The following ACOT1 variants were observed in gnomAD, a reference collection of about 807,000 sequenced individuals.
ACOT1 encodes the protein acyl-CoA thioesterase 1.
In ACOT1, 8 loss-of-function variants were observed where a neutral mutation model predicts 15.7. The ratio of observed to expected loss-of-function variants is 0.51; its 90% CI spans 0.30 to 0.92. ACOT1 has a LOEUF of 0.92. Ranked by LOEUF, ACOT1 falls within the 40% of genes least tolerant of loss-of-function variation. The probability of loss-of-function intolerance (pLI) is 0.06; values close to 1 mark genes in which losing one functional copy is unlikely to be tolerated. For synonymous variants in ACOT1, 67 were observed against 241.2 expected (o/e 0.28, Z 6.69); for missense variants, 151 against 539.4 (o/e 0.28, Z 7.13).
chr14:73,525,156 A>T, the ACOT1 span, among the ~76,000 whole-genome samples: 1 of 152,234 alleles, frequency 6.6e-6, no homozygotes, highest in South Asian at 2.1e-4. Context: ...CAGCCTCCCA[A>T]GTAGCTGGGA....
chr14:73,509,377 C>T, the ACOT1 span: 1 of 1,614,096 alleles, frequency 6.2e-7, no homozygotes, highest in East Asian at 2.2e-5. Context: ...GGCATATTGG[C>T]ATATTGCTGC....
the ACOT1 span, chr14:73,493,412 GATT>G: frequency 5.8e-6 from 2 of 347,404 alleles, no homozygotes; most frequent in Non-Finnish European, 1.1e-5. Flanking sequence ...CCTAAGGCTA[GATT>G]ATTATGTGGG....
the ACOT1 span, chr14:73,492,620 C>T: frequency 6.2e-7 from 1 of 1,613,824 alleles, no homozygotes; most frequent in Non-Finnish European, 8.5e-7. The surrounding 1 kb of genome is among the most constrained non-coding windows in gnomAD (Gnocchi z 4.9). Flanking sequence ...GGCTGGAGAA[C>T]CTGTAAACGT....
intron 1 of ACOT1, among the ~76,000 whole-genome samples, chr14:73,538,160 AT>A (rs1490263965): frequency 3.6e-5 from 4 of 110,810 alleles, no homozygotes; most frequent in South Asian, 2.9e-4. Flanking sequence ...TTTTATTTTT[AT>A]TTTTTTTCGT....
At chr14:73,509,161 C>G in the ACOT1 span, 1 of 756,412 alleles carries the variant, frequency 1.3e-6, no homozygotes, top group Non-Finnish European at 2.2e-6. Flanking sequence ...GCGACAGTGT[C>G]TGGTCCTAAT....
chr14:73,492,476 C>G, the ACOT1 span: 5 of 1,613,578 alleles, frequency 3.1e-6, no homozygotes, highest in Non-Finnish European at 4.2e-6. The surrounding 1 kb of genome is among the most constrained non-coding windows in gnomAD (Gnocchi z 4.9). Context: ...CTTGGTTGCC[C>G]GCCTGGGACA....
the ACOT1 span, chr14:73,508,094 G>C: frequency 1.3e-6 from 2 of 1,589,424 alleles, no homozygotes; most frequent in Non-Finnish European, 1.7e-6. Flanking sequence ...AGACCTAATT[G>C]CTCCCCAAAA....
At chr14:73,526,874 C>T in the ACOT1 span, among the ~76,000 whole-genome samples, 1 of 152,206 alleles carries the variant, frequency 6.6e-6, no homozygotes, top group African/African-American at 2.4e-5. Context: ...AGTGCACTGC[C>T]ATCTGTGGTG....
the ACOT1 span, chr14:73,512,249 T>G: frequency 8.9e-6 from 12 of 1,354,592 alleles, no homozygotes; most frequent in Non-Finnish European, 1.2e-5. Flanking sequence ...CCCAGAATAA[T>G]TCAAGCAAAA....
the ACOT1 span, chr14:73,511,975 T>C: frequency 1.2e-6 from 2 of 1,613,244 alleles, no homozygotes; most frequent in East Asian, 4.5e-5. Context: ...GAGTTGCTTA[T>C]GTTCTCAAGC....
At chr14:73,490,943 G>A in the ACOT1 span, 1 of 1,278,760 alleles carries the variant, frequency 7.8e-7, no homozygotes, top group Non-Finnish European at 9.9e-7. Context: ...AGAGTGCACC[G>A]CAGCCGCTGC....
chr14:73,500,818 C>A, the ACOT1 span: 1 of 1,306,610 alleles, frequency 7.7e-7, no homozygotes, highest in Non-Finnish European at 1.1e-6. Flanking sequence ...TGATAAAATC[C>A]GGGTTCTGTA....
upstream of ACOT1, among the ~76,000 whole-genome samples, chr14:73,536,516 TAA>T (rs543491523): frequency 1.2e-4 from 7 of 59,334 alleles, 1 homozygote; most frequent in Non-Finnish European, 1.3e-4. Context: ...CCTGTCTCTT[TAA>T]AAAAAAAAAA....
the ACOT1 span, among the ~76,000 whole-genome samples, chr14:73,532,109 G>A: frequency 1.4e-4 from 16 of 115,930 alleles, 6 homozygotes; most frequent in South Asian, 1.4e-3. Flanking sequence ...TAAATCCTGA[G>A]AAAGAGGCAA....
the ACOT1 span, chr14:73,513,930 C>T: frequency 9.7e-6 from 12 of 1,240,256 alleles, no homozygotes; most frequent in East Asian, 2.8e-4. Flanking sequence ...TTTTACATTT[C>T]ACAAAGGAGG....
chr14:73,512,156 C>T, the ACOT1 span: 9 of 1,613,806 alleles, frequency 5.6e-6, no homozygotes, highest in South Asian at 2.2e-5. Flanking sequence ...ATGACTGAGC[C>T]GCAGTGAGGG....
chr14:73,522,177 G>A, the ACOT1 span: 1 of 1,274,046 alleles, frequency 7.8e-7, no homozygotes, highest in Non-Finnish European at 1.1e-6. Context: ...TGATGGGAGA[G>A]TGCATTCTGA....
chr14:73,499,244 G>T, the ACOT1 span: 3 of 947,326 alleles, frequency 3.2e-6, no homozygotes, highest in Non-Finnish European at 5.2e-6. Flanking sequence ...ATTTTGGGAT[G>T]CCAAGGTGGG....
chr14:73,509,870 T>TA, the ACOT1 span, among the ~76,000 whole-genome samples: 18 of 65,120 alleles, frequency 2.8e-4, 2 homozygotes, highest in Non-Finnish European at 4.3e-4. Flanking sequence ...ATATATATAT[T>TA]TATTTATTTT....
Sources: allele counts gnomAD v4.1 joint callset (sites outside exome capture counted in the v4.1 genomes callset), GRCh38; gene constraint gnomAD v4.1.1; non-coding constraint Gnocchi (gnomAD v3.1); transcripts MANE v1.5; gene names NCBI Gene and HGNC (gene_info 2026-07-23, HGNC 2026-07-21).